The following STRBP variants were observed in gnomAD, a reference collection of about 807,000 sequenced individuals.
STRBP encodes the protein spermatid perinuclear RNA-binding protein.
A neutral mutation model predicts 80.1 loss-of-function variants in STRBP; 13 were observed. The ratio of observed to expected loss-of-function variants is 0.16; its 90% confidence interval spans 0.11 to 0.26. STRBP has a LOEUF of 0.26. Ranked by LOEUF, STRBP falls within the 10% of genes least tolerant of loss-of-function variation. The pLI is 1.00. For missense variants in STRBP, 485 were observed against 815.2 expected, an observed-to-expected ratio of 0.59 and a Z score of 4.93; for synonymous variants, 284 against 291.2, an observed-to-expected ratio of 0.98 and a Z score of 0.25.
chr9:123,149,215 A>T (rs1424796490), intron 11 of STRBP, among the ~76,000 whole-genome samples: 2 of 152,198 alleles, frequency 1.3e-5, no homozygotes, highest in South Asian at 4.1e-4. Flanking sequence ...CTTGAGGTAA[A>T]CACTGACTTC....
chr9:123,117,048 C>T (rs2035656935), downstream of STRBP, among the ~76,000 whole-genome samples: 2 of 152,172 alleles, frequency 1.3e-5, no homozygotes, highest in Admixed American at 1.3e-4. Flanking sequence ...CTCTCCCTGT[C>T]TGCAAGGTGG....
At chr9:123,206,704 T>C (rs578081828) in intron 2 of STRBP, among the ~76,000 whole-genome samples, 1 of 152,214 alleles carries the variant, frequency 6.6e-6, no homozygotes, top group Admixed American at 6.5e-5. Context: ...AATAGCGCAA[T>C]CTCGGCTCAT....
At chr9:123,214,145 T>TACACACACAC (rs138090782) in intron 2 of STRBP, among the ~76,000 whole-genome samples, 138 of 141,440 alleles carry the variant, frequency 9.8e-4, no homozygotes, top group African/African-American at 2.2e-3. Context: ...TATATATGTA[T>TACACACACAC]ACACACACAC....
chr9:123,196,701 G>A (rs1035291701), intron 2 of STRBP, among the ~76,000 whole-genome samples: 6 of 152,118 alleles, frequency 3.9e-5, no homozygotes, highest in Admixed American at 1.3e-4. Context: ...TCTTATCCCA[G>A]TTAAAATGGC....
chr9:123,197,937 G>T (rs538022173), intron 2 of STRBP, among the ~76,000 whole-genome samples: 2 of 152,016 alleles, frequency 1.3e-5, no homozygotes, highest in African/African-American at 4.8e-5. Flanking sequence ...ACCTCTCAAA[G>T]TGCTGGGATT....
At position 123,236,972 on chromosome 9, in the gene STRBP, A is replaced by G. The variant is rs1025755127; in HGVS notation, c.-301-6T>C. The stretch of plus-strand genomic sequence containing the variant: ...AACATGGCAAAACCCCGTCTCTACT[A>G]AAAATACAAAAATTAGCTGGGCGTG... On this transcript the variant is annotated splice_polypyrimidine_tract_variant and splice_region_variant and intron_variant, in intron 1 of 18. Transcript: ENST00000348403. 3.9e-5 allele frequency: 6 copies of G among 152,256 alleles called. No homozygotes were observed. Among genetic ancestry groups the G allele is most frequent in the African/African-American group, 1.4e-4 (6 of 41,422 alleles). The allele number at this position is 152,256 out of a possible 1,614,324, so 9.4% of individuals were successfully genotyped here. A position where few individuals can be genotyped will look rare whatever the true frequency, so the allele number is the denominator to read the frequency against.
At chr9:123,258,697 A>G (rs1296552404) in intron 1 of STRBP, among the ~76,000 whole-genome samples, 2 of 151,726 alleles carry the variant, frequency 1.3e-5, no homozygotes, top group African/African-American at 4.8e-5. Context: ...CCAGCTACTC[A>G]GGAGGCTGAG....
In STRBP at chr9:123,116,600, G is replaced by A. The variant is rs139214548; in HGVS notation, c.169-502C>T. On this transcript the variant is annotated intron_variant and NMD_transcript_variant, in intron 2 of 3. Transcript: ENST00000471564. Reference sequence around the variant, plus strand: ...GAGGCTAAGGAAGGATCAGGGAGATGTGGGTTGGTTTTTGCTTGGTTTCAA... The same window carrying A: ...GAGGCTAAGGAAGGATCAGGGAGATATGGGTTGGTTTTTGCTTGGTTTCAA... Among the ~76,000 whole-genome samples, 207 of 152,314 alleles carry A rather than the reference G, an allele frequency of 1.4e-3. 1 individual carries two copies. The highest frequency in any genetic ancestry group is 2.2e-3 in the Admixed American group (33 of 15,306).
In STRBP at chr9:123,136,047, G is replaced by C; in HGVS notation, c.1767C>G (p.Ile589Met). Residue 589 changes from isoleucine to methionine, a missense_variant, in exon 16 of 19, where the codon ATC becomes ATG. Physicochemically the swap from Ile to Met is conservative, Grantham distance 10 (BLOSUM62 1). This residue lies in a region of STRBP where 85 missense variants were observed against 120.1 expected (regional missense o/e 0.71). Transcript: ENST00000348403. The surrounding 1 kb of genome is among the most constrained non-coding windows in gnomAD (Gnocchi z 4.2). Reference protein sequence around the residue: ...NAANNKKKKIIPQAKGVVNTA... With the variant: ...NAANNKKKKIMPQAKGVVNTA... ...GTTTAATGTTTACTCATACCTGAGG[G>C]ATAATCTTCTTTTTCTTATTATTTG... 1 of 1,614,082 alleles carries C rather than the reference G, an allele frequency of 6.2e-7. No individual in the cohort carries two copies. Among genetic ancestry groups the C allele is most frequent in the Non-Finnish European group, 8.5e-7 (1 of 1,179,988 alleles).
chr9:123,120,490 T>TGGGGGGGGGGGG (rs56104527), downstream of STRBP, among the ~76,000 whole-genome samples: 1 of 75,194 alleles, frequency 1.3e-5, no homozygotes, highest in Non-Finnish European at 2.5e-5. Context: ...GGCGGGGGGG[T>TGGGGGGGGGGGG]GGGGGGGGGG....
intron 11 of STRBP, 37 bp downstream of exon 11, chr9:123,157,975 C>T (rs773253075): frequency 6.9e-7 from 1 of 1,457,848 alleles, no homozygotes; most frequent in South Asian, 1.2e-5. Context: ...TCTACCAGTG[C>T]CAACCCCCAA....
intron 3 of STRBP, among the ~76,000 whole-genome samples, chr9:123,182,654 A>G (rs891025502): frequency 3.9e-5 from 6 of 152,190 alleles, no homozygotes; most frequent in Non-Finnish European, 5.9e-5. Flanking sequence ...TTCTCTAAGG[A>G]GTCAGCTGAT....
Position 123,126,120 on chromosome 9 carries a change from A to G in STRBP, c.1943-447T>C, listed in dbSNP as rs1418262826. ...TGGCCAGGCGTTTACTTAACTTCTT[A>G]ATGGCTATGGCCAATATTGGCATGG... On this transcript the variant is annotated intron_variant, in intron 18 of 18. Transcript: ENST00000348403. The surrounding 1 kb of genome is among the most constrained non-coding windows in gnomAD (Gnocchi z 4.4). Among the ~76,000 whole-genome samples, 1 of 152,244 alleles carries G rather than the reference A, an allele frequency of 6.6e-6. No individual in the cohort carries two copies. Among genetic ancestry groups the G allele is most frequent in the Non-Finnish European group, 1.5e-5 (1 of 68,038 alleles).
At chr9:123,232,764 C>T (rs1349799139) in intron 2 of STRBP, among the ~76,000 whole-genome samples, 1 of 152,182 alleles carries the variant, frequency 6.6e-6, no homozygotes, top group Non-Finnish European at 1.5e-5. Flanking sequence ...AAAAACAGTC[C>T]TGTGAGCCTT....
intron 14 of STRBP, among the ~76,000 whole-genome samples, chr9:123,138,058 A>G: frequency 6.6e-6 from 1 of 152,204 alleles, no homozygotes; most frequent in East Asian, 1.9e-4. Context: ...ATAAAGTACT[A>G]TTATTTTAAA....
At chr9:123,226,298 A>G (rs1181467137) in intron 2 of STRBP, among the ~76,000 whole-genome samples, 4 of 152,348 alleles carry the variant, frequency 2.6e-5, no homozygotes, top group African/African-American at 9.6e-5. Context: ...TGGTGGTTAC[A>G]TGACTAAGTC....
intron 2 of STRBP, among the ~76,000 whole-genome samples, chr9:123,210,062 G>A (rs1439466394): frequency 6.6e-6 from 1 of 152,156 alleles, no homozygotes. Context: ...TTGGGAATGA[G>A]CAATTTGTAG....
intron 1 of STRBP, among the ~76,000 whole-genome samples, chr9:123,261,299 C>T (rs1158483785): frequency 1.3e-5 from 2 of 152,168 alleles, no homozygotes; most frequent in African/African-American, 2.4e-5. Flanking sequence ...TTAAAAGAGG[C>T]AGATTTCAAA....
intron 2 of STRBP, among the ~76,000 whole-genome samples, chr9:123,224,503 C>T (rs2040172868): frequency 6.6e-6 from 1 of 152,206 alleles, no homozygotes; most frequent in African/African-American, 2.4e-5. Flanking sequence ...TAATTCCCAC[C>T]CACAGACATA....
Sources: allele counts gnomAD v4.1 joint callset (sites outside exome capture counted in the v4.1 genomes callset), GRCh38; gene constraint gnomAD v4.1.1; regional missense constraint gnomAD v4.1.1; non-coding constraint Gnocchi (gnomAD v3.1); transcripts MANE v1.5; gene names NCBI Gene and HGNC (gene_info 2026-07-23, HGNC 2026-07-21).